IQCM: variants seen among roughly 807,000 people sequenced by gnomAD.
IQCM encodes IQ domain-containing protein M.
In IQCM, 45 loss-of-function variants were observed where a neutral mutation model predicts 57.6. The ratio of observed to expected loss-of-function variants is 0.78; its 90% CI spans 0.62 to 1.00. The LOEUF is 1.00. IQCM is among the 50% of genes least tolerant of loss of function. The pLI is 0.00. For synonymous variants in IQCM, 148 were observed against 158.9 expected (o/e 0.93, Z 0.51); for missense variants, 468 against 511.6 (o/e 0.91, Z 0.82).
intron 9 of IQCM, among the ~76,000 whole-genome samples, chr4:149,564,558 C>T (rs1043282340): frequency 6.6e-6 from 1 of 152,136 alleles, no homozygotes; most frequent in African/African-American, 2.4e-5. Flanking sequence ...GAAAGACAGA[C>T]CCATCCTTAA....
chr4:149,434,634 G>T (rs1735177422), intron 12 of IQCM, among the ~76,000 whole-genome samples: 1 of 151,990 alleles, frequency 6.6e-6, no homozygotes. Context: ...AGTGTACCAG[G>T]TATCCATCTA....
chr4:149,529,124 C>T (rs1295930766), intron 12 of IQCM, among the ~76,000 whole-genome samples: 1 of 152,088 alleles, frequency 6.6e-6, no homozygotes, highest in Admixed American at 6.6e-5. Flanking sequence ...AGAGCAGTAG[C>T]ACAATCTCAG....
At chr4:149,593,810 G>C (rs1357809467) in intron 8 of IQCM, among the ~76,000 whole-genome samples, 4 of 152,040 alleles carry the variant, frequency 2.6e-5, no homozygotes, top group Admixed American at 6.6e-5. Context: ...ATGAAGCCCA[G>C]TTGATCATGG....
intron 7 of IQCM, among the ~76,000 whole-genome samples, chr4:149,641,857 T>TA (rs1207683448): frequency 2.0e-5 from 3 of 152,234 alleles, no homozygotes; most frequent in Non-Finnish European, 2.9e-5. Context: ...ACCTTGGGGA[T>TA]AAAAAAAGAT....
intron 13 of IQCM, among the ~76,000 whole-genome samples, chr4:149,411,886 C>T (rs147660715): frequency 6.6e-6 from 1 of 152,142 alleles, no homozygotes; most frequent in Non-Finnish European, 1.5e-5. Context: ...TGAGATTGAG[C>T]CCAGATTGTT....
chr4:149,747,526 A>T (rs1768038762), intron 2 of IQCM, among the ~76,000 whole-genome samples: 1 of 152,256 alleles, frequency 6.6e-6, no homozygotes, highest in South Asian at 2.1e-4. Context: ...GTACAGACAC[A>T]ATTGTCCATT....
intron 7 of IQCM, among the ~76,000 whole-genome samples, chr4:149,659,358 A>T (rs1049799991): frequency 6.6e-6 from 1 of 152,176 alleles, no homozygotes; most frequent in South Asian, 2.1e-4. Context: ...AGAACATTCC[A>T]TACTCACGGG....
intron 12 of IQCM, among the ~76,000 whole-genome samples, chr4:149,453,044 A>T (rs1322993931): frequency 6.6e-6 from 1 of 151,684 alleles, no homozygotes; most frequent in Non-Finnish European, 1.5e-5. Context: ...TGAGTAAAAA[A>T]AAAAAATGAC....
chr4:149,809,677 G>C (rs900070297), intron 2 of IQCM, among the ~76,000 whole-genome samples: 1 of 152,126 alleles, frequency 6.6e-6, no homozygotes, highest in Non-Finnish European at 1.5e-5. Context: ...ACTGATCCTT[G>C]CCACATTAGG....
At chr4:149,355,772 C>A (rs1429305255) in intron 13 of IQCM, among the ~76,000 whole-genome samples, 1 of 152,004 alleles carries the variant, frequency 6.6e-6, no homozygotes. Flanking sequence ...AATGGGATGG[C>A]TGGGTCAAAT....
At chr4:149,683,535 T>G (rs1018249361) in intron 6 of IQCM, among the ~76,000 whole-genome samples, 1 of 151,228 alleles carries the variant, frequency 6.6e-6, no homozygotes, top group African/African-American at 2.4e-5. Flanking sequence ...GACTGAGGTA[T>G]CCCTTAAGTT....
At chr4:149,554,739 G>A (rs995867631) in intron 10 of IQCM, among the ~76,000 whole-genome samples, 1 of 148,122 alleles carries the variant, frequency 6.8e-6, no homozygotes, top group Non-Finnish European at 1.5e-5. Flanking sequence ...TCGCTCTGTC[G>A]CCCAGGCTGG....
intron 13 of IQCM, among the ~76,000 whole-genome samples, chr4:149,357,545 G>A (rs1029915807): frequency 1.3e-4 from 20 of 152,232 alleles, no homozygotes; most frequent in African/African-American, 4.3e-4. Flanking sequence ...GATGGATTAC[G>A]TTTATTGATT....
chr4:149,712,500 C>G (rs1023540198), intron 5 of IQCM, among the ~76,000 whole-genome samples: 5 of 152,072 alleles, frequency 3.3e-5, no homozygotes, highest in African/African-American at 1.2e-4. Context: ...TTTACACTTA[C>G]GCTCATATAT....
intron 9 of IQCM, among the ~76,000 whole-genome samples, chr4:149,569,781 T>A (rs944955994): frequency 4.6e-5 from 7 of 152,050 alleles, no homozygotes; most frequent in African/African-American, 1.7e-4. Flanking sequence ...TTTCAGGACT[T>A]TTTTTCCTCC....
chr4:149,358,182 T>C (rs1307440893), intron 13 of IQCM, among the ~76,000 whole-genome samples: 1 of 152,188 alleles, frequency 6.6e-6, no homozygotes, highest in Non-Finnish European at 1.5e-5. Context: ...TTTGTTGATC[T>C]TTTCAAAAAA....
chr4:149,410,753 A>G (rs1733328097), intron 13 of IQCM, among the ~76,000 whole-genome samples: 1 of 151,982 alleles, frequency 6.6e-6, no homozygotes, highest in Admixed American at 6.6e-5. Flanking sequence ...ATGATATCTG[A>G]TGAAGATGAA....
chr4:149,631,036 T>C (rs1043288329), intron 7 of IQCM, among the ~76,000 whole-genome samples: 1 of 152,196 alleles, frequency 6.6e-6, no homozygotes, highest in South Asian at 2.1e-4. Context: ...TTGCTGAATA[T>C]CTGCTTTCCT....
chr4:149,661,925 A>G (rs1310950270), intron 7 of IQCM, among the ~76,000 whole-genome samples: 2 of 151,782 alleles, frequency 1.3e-5, no homozygotes, highest in Non-Finnish European at 2.9e-5. Flanking sequence ...AATGGTTTTC[A>G]GTCTGTATTT....
Sources: allele counts gnomAD v4.1 joint callset (sites outside exome capture counted in the v4.1 genomes callset), GRCh38; gene constraint gnomAD v4.1.1; transcripts MANE v1.5; gene names NCBI Gene and HGNC (gene_info 2026-07-23, HGNC 2026-07-21).